CASC3: variants seen among roughly 807,000 people sequenced by gnomAD.
CASC3 encodes the protein CASC3 exon junction complex subunit.
In CASC3, 30 loss-of-function variants were observed where a neutral mutation model predicts 80.5. The observed-to-expected ratio is 0.37, with a 90% CI of 0.28 to 0.51. The LOEUF (loss-of-function observed/expected upper bound fraction) is 0.51, where lower values mean the gene tolerates loss of function less well. Ranked by LOEUF, CASC3 falls within the 20% of genes least tolerant of loss-of-function variation. CASC3 has a pLI of 0.94. For missense variants in CASC3, 824 were observed against 922.2 expected (o/e 0.89, Z 1.38); for synonymous variants, 312 against 333.6 (o/e 0.94, Z 0.70).
At chr17:40,167,324 G>A (rs533273202) in intron 8 of CASC3, 174 bp from the exon 9 acceptor site, 29 of 597,176 alleles carry the variant, frequency 4.9e-5, no homozygotes, top group African/African-American at 4.5e-4. Flanking sequence ...TAAATGTAAG[G>A]TAGAAGGTTT....
rs1330922590 is a variant in CASC3 at position 40,171,716 on chromosome 17, G to C, written c.*1311G>C. The C allele has an allele frequency of 8.1e-6, 9 of 1,115,012 alleles. No homozygotes were observed. The highest frequency in any genetic ancestry group is 7.7e-6 in the Non-Finnish European group (7 of 904,264). 69.1% of individuals were successfully genotyped at this position (1,115,012 alleles called of 1,614,324 possible). On this transcript the variant is annotated 3_prime_UTR_variant, in exon 14 of 14. Coordinates refer to ENST00000264645, the MANE Select transcript of CASC3 (RefSeq NM_007359.5). Reference sequence around the variant, plus strand: ...ACTGCAGTACATACGTCTGCCAGGGGTAACCTGGCCACTGTCCCTGTCCTT... The same window carrying C: ...ACTGCAGTACATACGTCTGCCAGGGCTAACCTGGCCACTGTCCCTGTCCTT...
Position 40,169,672 on chromosome 17 carries a change from C to T in CASC3, c.*41+10C>T, listed in dbSNP as rs764773265. Reference sequence around the variant, plus strand: ...TTAACATCATATAAAAGTAAGTGCACAACTTACTGTGAATATTGTTAAAAC... The same window carrying T: ...TTAACATCATATAAAAGTAAGTGCATAACTTACTGTGAATATTGTTAAAAC... On this transcript the variant is annotated intron_variant, in intron 13 of 13. Transcript: ENST00000264645. The T allele has an allele frequency of 5.5e-6, 7 of 1,265,558 alleles. No individual in the cohort carries two copies. The East Asian group carries it at 2.5e-4, about 45-fold the overall frequency. The allele number at this position is 1,265,558 out of a possible 1,614,324, so 78.4% of individuals were successfully genotyped here.
intron 2 of CASC3, 112 bp downstream of exon 2, chr17:40,141,346 A>G: frequency 9.2e-7 from 1 of 1,091,282 alleles, no homozygotes; most frequent in Non-Finnish European, 1.4e-6. Flanking sequence ...AGGGCCACAG[A>G]GTGCCTTTTT....
At chr17:40,166,883 G>C (rs1056691094) in intron 8 of CASC3, 22 bp downstream of exon 8, 4 of 1,575,466 alleles carry the variant, frequency 2.5e-6, no homozygotes, top group Admixed American at 3.5e-5. Context: ...GAAAGGGGTA[G>C]ATGGGGGAGG....
chr17:40,168,493 C>A, intron 11 of CASC3, 76 bp downstream of exon 11: 2 of 1,289,270 alleles, frequency 1.6e-6, no homozygotes, highest in Non-Finnish European at 2.1e-6. Context: ...GGGGAGAATG[C>A]TAAAGGAATT....
chr17:40,168,716 G>T, intron 11 of CASC3: 1 of 349,234 alleles, frequency 2.9e-6, no homozygotes, highest in Non-Finnish European at 5.4e-6. Flanking sequence ...TCAGCCTCCC[G>T]AGTAGCTGGG....
intron 3 of CASC3, among the ~76,000 whole-genome samples, chr17:40,156,037 T>A (rs1367990783): frequency 6.6e-6 from 1 of 152,224 alleles, no homozygotes; most frequent in Non-Finnish European, 1.5e-5. Flanking sequence ...AAAACAAGCT[T>A]TCCTTATTAA....
In CASC3 at chr17:40,171,166, C is replaced by G. The variant is rs752887443; in HGVS notation, c.*761C>G. 3.7e-4 allele frequency: 362 copies of G among 985,892 alleles called. No homozygotes were observed. The highest frequency in any genetic ancestry group is 4.3e-4 in the Non-Finnish European group (361 of 829,988). 61.1% of individuals were successfully genotyped at this position (985,892 alleles called of 1,614,324 possible). A position where few individuals can be genotyped will look rare whatever the true frequency, so the allele number is the denominator to read the frequency against. ...CTCTTTGACTTAGGTTTTTAGGAGT[C>G]TGAGCATCCATCAATACCTGTACTA... On this transcript the variant is annotated 3_prime_UTR_variant, in exon 14 of 14. Transcript: ENST00000264645.
intron 7 of CASC3, among the ~76,000 whole-genome samples, chr17:40,165,273 C>T (rs562764044): frequency 6.6e-6 from 1 of 152,050 alleles, no homozygotes; most frequent in East Asian, 1.9e-4. Context: ...TTATGTTGGC[C>T]AGGCTGGTCT....
At position 40,171,617 on chromosome 17, in the gene CASC3, A is replaced by G. The variant is rs1339935485; in HGVS notation, c.*1212A>G. 1 of 991,466 alleles carries G rather than the reference A, an allele frequency of 1.0e-6. No homozygotes were observed. Among genetic ancestry groups the G allele is most frequent in the Non-Finnish European group, 1.2e-6 (1 of 833,312 alleles). 61.4% of individuals were successfully genotyped at this position (991,466 alleles called of 1,614,324 possible). On this transcript the variant is annotated 3_prime_UTR_variant, in exon 14 of 14. Coordinates refer to ENST00000264645, the MANE Select transcript of CASC3 (RefSeq NM_007359.5). ...AAGGAAGCCAGTCACCTTCTGGGCAAGGGCTCCTATCTTTCCTCCCTATCC... is the reference window on the plus strand; with the variant it reads ...AAGGAAGCCAGTCACCTTCTGGGCAGGGGCTCCTATCTTTCCTCCCTATCC...
intron 6 of CASC3, 48 bp downstream of exon 6, chr17:40,162,949 G>A (rs752959782): frequency 1.3e-5 from 20 of 1,556,246 alleles, no homozygotes; most frequent in South Asian, 1.2e-4. Context: ...GGTGGCTTAC[G>A]GTGGCTTACA....
At chr17:40,161,093 C>T (rs1353675941) in intron 3 of CASC3, among the ~76,000 whole-genome samples, 2 of 151,948 alleles carry the variant, frequency 1.3e-5, no homozygotes, top group African/African-American at 4.8e-5. Flanking sequence ...GATTTTCCTG[C>T]CTCAGCCTCC....
intron 8 of CASC3, chr17:40,167,070 T>C (rs1989468118): frequency 3.7e-6 from 2 of 536,250 alleles, no homozygotes; most frequent in Non-Finnish European, 3.2e-6. Flanking sequence ...GTTCAAGCAA[T>C]TCTGCCTCAG....
rs76454388 is a variant in CASC3 at position 40,155,672 on chromosome 17, T to G, written c.298-6081T>G. Reference sequence around the variant, plus strand: ...GAATAAGGATACCAACTCCATCTCTTAGTCTGAAATATGTGGGAAGTAGAA... The same window carrying G: ...GAATAAGGATACCAACTCCATCTCTGAGTCTGAAATATGTGGGAAGTAGAA... On this transcript the variant is annotated intron_variant, in intron 3 of 13. Transcript: ENST00000264645. Among the ~76,000 whole-genome samples the G allele has an allele frequency of 5.9e-5, 9 of 152,346 alleles. No individual in the cohort carries two copies. The East Asian group carries it at 1.5e-3, about 26-fold the overall frequency.
Position 40,171,871 on chromosome 17 carries a change from A to G in CASC3, c.*1466A>G. 2 of 1,206,242 alleles carry G rather than the reference A, an allele frequency of 1.7e-6. No individual in the cohort carries two copies. Among genetic ancestry groups the G allele is most frequent in the Non-Finnish European group, 2.1e-6 (2 of 950,534 alleles). The allele number at this position is 1,206,242 out of a possible 1,614,324, so 74.7% of individuals were successfully genotyped here. A position where few individuals can be genotyped will look rare whatever the true frequency, so the allele number is the denominator to read the frequency against. On this transcript the variant is annotated 3_prime_UTR_variant, in exon 14 of 14. Coordinates refer to ENST00000264645, the MANE Select transcript of CASC3 (RefSeq NM_007359.5). ...TGTGGGATGGAGAGTGGGGAGAGGC[A>G]CTTAATCTGTAACCCCCAAGGAGGA...
Position 40,171,152 on chromosome 17 carries a change from A to G in CASC3, c.*747A>G. On this transcript the variant is annotated 3_prime_UTR_variant, in exon 14 of 14. Coordinates refer to ENST00000264645, the MANE Select transcript of CASC3 (RefSeq NM_007359.5). ...GGGTAGGAGCCCTTCTCTTTGACTT[A>G]GGTTTTTAGGAGTCTGAGCATCCAT... The G allele has an allele frequency of 1.0e-6, 1 of 985,934 alleles. No homozygotes were observed. The highest frequency in any genetic ancestry group is 1.2e-6 in the Non-Finnish European group (1 of 829,966). The allele number at this position is 985,934 out of a possible 1,614,324, so 61.1% of individuals were successfully genotyped here. A position where few individuals can be genotyped will look rare whatever the true frequency, so the allele number is the denominator to read the frequency against.
Position 40,141,243 on chromosome 17 carries a change from C to T in CASC3, c.259+9C>T. On this transcript the variant is annotated intron_variant, in intron 2 of 13. Coordinates refer to ENST00000264645, the MANE Select transcript of CASC3 (RefSeq NM_007359.5). Reference sequence around the variant, plus strand: ...TGGCATTGAAGGTGATGGTGAGTAGCATCTTTTACCCCATTAGGACAAGAG... The same window carrying T: ...TGGCATTGAAGGTGATGGTGAGTAGTATCTTTTACCCCATTAGGACAAGAG... The T allele has an allele frequency of 1.2e-6, 2 of 1,612,164 alleles. No homozygotes were observed. The highest frequency in any genetic ancestry group is 1.7e-6 in the Non-Finnish European group (2 of 1,178,228).
chr17:40,141,463 T>C (rs41283417), intron 2 of CASC3, 107 bp from the exon 3 acceptor site: 31,152 of 979,406 alleles, frequency 0.032, 1,262 homozygotes, highest in African/African-American at 0.17. Flanking sequence ...TTATCCACGT[T>C]GTAGGTTGAT....
intron 3 of CASC3, among the ~76,000 whole-genome samples, chr17:40,148,160 T>A (rs946727328): frequency 1.3e-5 from 2 of 152,180 alleles, no homozygotes; most frequent in Non-Finnish European, 1.5e-5. Flanking sequence ...CTTCTGTTGT[T>A]TTTCTGTGGT....
Sources: gnomAD v4.1 joint callset for allele counts (sites outside exome capture counted in the v4.1 genomes callset) on GRCh38, gnomAD v4.1.1 for gene constraint, MANE v1.5 for transcripts, NCBI Gene and HGNC (gene_info 2026-07-23, HGNC 2026-07-21) for gene names.